Variants in MCF2 observed in about 807,000 individuals in gnomAD.
MCF2 encodes the protein MCF.2 cell line derived transforming sequence.
A neutral mutation model predicts 82.5 loss-of-function variants in MCF2; 44 were observed. That is an observed-to-expected ratio of 0.53 (90% confidence interval 0.42 to 0.69). The LOEUF is 0.69. Ranked by LOEUF, MCF2 falls within the 30% of genes least tolerant of loss-of-function variation. The pLI is 0.00. For synonymous variants in MCF2, 217 were observed against 224.9 expected (o/e 0.96, Z 0.32); for missense variants, 623 against 663.1 (o/e 0.94, Z 0.66).
chrX:139,617,353 T>A lies in MCF2; in HGVS notation c.999+160A>T, dbSNP rs757281363. On this transcript the variant is annotated intron_variant, in intron 8 of 24. Coordinates refer to ENST00000370576, the Ensembl canonical transcript of MCF2. ...ATCAAACTCAGTCCTTCAGACTTCT[T>A]ACAAATTTAATTCCAAAGCTATACC... 4.5e-5 allele frequency among the ~76,000 whole-genome samples: 5 copies of A among 111,603 alleles called. No homozygotes were observed. In the South Asian group the frequency reaches 1.9e-3, roughly 42 times the overall value.
At chrX:139,642,450 T>G in intron 1 of MCF2, 2 of 1,211,271 alleles carry the variant, frequency 1.7e-6, no homozygotes, top group South Asian at 3.5e-5. Context: ...TTTCCAGGAG[T>G]GCAGACAGAG....
rs754962395 is a variant in MCF2 at position 139,590,468 on chromosome X, TA to T, written c.2278-542del. Among the ~76,000 whole-genome samples, 13 of 104,903 alleles carry T rather than the reference TA, an allele frequency of 1.2e-4. No individual in the cohort carries two copies. In the South Asian group the frequency reaches 2.4e-3, roughly 19 times the overall value. 91.1% of individuals were successfully genotyped at this position (104,903 alleles called of 115,157 possible). On this transcript the variant is annotated intron_variant, in intron 19 of 24. Transcript: ENST00000370576. Reference sequence around the variant, plus strand: ...TTTTCCACCAATCCCTTGGCCTTTCTAAAAAAAAAATAATAATAATAATATG... The same window carrying T: ...TTTTCCACCAATCCCTTGGCCTTTCTAAAAAAAAATAATAATAATAATATG...
rs1197449417 is a variant in MCF2, at chrX:139,588,798, C to T, written c.2371-360G>A. 2.0e-4 allele frequency among the ~76,000 whole-genome samples: 22 copies of T among 108,614 alleles called. 1 individual carries two copies. Among genetic ancestry groups the T allele is most frequent in the Non-Finnish European group, 3.8e-5 (2 of 52,482 alleles). The allele number at this position is 108,614 out of a possible 115,157, so 94.3% of individuals were successfully genotyped here. On this transcript the variant is annotated intron_variant, in intron 20 of 24. Transcript: ENST00000370576. Reference sequence around the variant, plus strand: ...AATAATAATTAGCCAGGTGTGGTGGCATGTGCCTGTAGTCCCAGCTACTTG... The same window carrying T: ...AATAATAATTAGCCAGGTGTGGTGGTATGTGCCTGTAGTCCCAGCTACTTG...
intron 1 of MCF2, chrX:139,692,192 G>A: frequency 1.1e-6 from 1 of 916,571 alleles, no homozygotes; most frequent in Non-Finnish European, 1.5e-6. Flanking sequence ...TCCTCACGCT[G>A]GAGAGCCGGG....
chrX:139,608,945 C>G (rs1931273026), intron 11 of MCF2, among the ~76,000 whole-genome samples: 2 of 111,839 alleles, frequency 1.8e-5, no homozygotes, highest in South Asian at 7.6e-4. Flanking sequence ...ATAGACCATT[C>G]ACTAGGCTGC....
chrX:139,701,364 T>C (rs1421868477), intron 1 of MCF2, among the ~76,000 whole-genome samples: 1 of 112,081 alleles, frequency 8.9e-6, no homozygotes. Flanking sequence ...AATCTGGGTG[T>C]CGCTGTAAGG....
chrX:139,696,833 G>A (rs1271282871), intron 1 of MCF2, among the ~76,000 whole-genome samples: 1 of 112,096 alleles, frequency 8.9e-6, no homozygotes, highest in Non-Finnish European at 1.9e-5. Flanking sequence ...GAAGTCTATT[G>A]ACATGTGAGG....
chrX:139,586,658 A>G (rs1053218758), intron 22 of MCF2, among the ~76,000 whole-genome samples, 171 bp from the exon 27 acceptor site: 4 of 111,785 alleles, frequency 3.6e-5, no homozygotes, highest in African/African-American at 1.3e-4. Flanking sequence ...TATAATATAC[A>G]AAAGCTTAAA....
intron 24 of MCF2, among the ~76,000 whole-genome samples, chrX:139,584,033 G>T (rs769887434): frequency 9.1e-6 from 1 of 110,251 alleles, no homozygotes; most frequent in Non-Finnish European, 1.9e-5. Context: ...ATGTATTATG[G>T]TCATCATAGT....
intron 1 of MCF2, among the ~76,000 whole-genome samples, chrX:139,659,586 C>G (rs1175301829): frequency 1.8e-5 from 2 of 111,782 alleles, no homozygotes; most frequent in African/African-American, 6.5e-5. Flanking sequence ...TCTGGGGTTT[C>G]TATTCATATA....
At chrX:139,582,394 CT>C (rs761258986) in exon 25 of MCF2, 1 of 1,093,712 alleles carries the variant, frequency 9.1e-7, no homozygotes, top group Non-Finnish European at 1.3e-6. Context: ...AGCTCAATGT[CT>C]TTTGCGCAGT....
intron 1 of MCF2, among the ~76,000 whole-genome samples, chrX:139,641,385 T>C (rs2148512668): frequency 9.1e-6 from 1 of 110,487 alleles, no homozygotes; most frequent in South Asian, 3.8e-4. Context: ...GCCAAAGATA[T>C]AATTTTGTCA....
At chrX:139,658,135 A>T (rs1456505580) in intron 1 of MCF2, among the ~76,000 whole-genome samples, 1 of 111,669 alleles carries the variant, frequency 9.0e-6, no homozygotes, top group Admixed American at 9.5e-5. Flanking sequence ...GGGAGGCAGG[A>T]GGAACTTAGT....
At chrX:139,680,310 AT>A (rs1294435320) in intron 1 of MCF2, among the ~76,000 whole-genome samples, 2 of 111,698 alleles carry the variant, frequency 1.8e-5, no homozygotes, top group Non-Finnish European at 3.8e-5. Flanking sequence ...TTTTTAAAAA[AT>A]TTTTTGTAGT....
intron 6 of MCF2, among the ~76,000 whole-genome samples, chrX:139,622,191 C>T (rs1173366977): frequency 8.9e-6 from 1 of 111,950 alleles, no homozygotes; most frequent in East Asian, 2.8e-4. Flanking sequence ...TACCATCTCA[C>T]ACAAGTTAGA....
chrX:139,692,120 G>A (rs563122505), intron 1 of MCF2: 2 of 1,158,578 alleles, frequency 1.7e-6, no homozygotes, highest in South Asian at 3.8e-5. Flanking sequence ...CGGCAGCTTG[G>A]GGCATGTGCC....
chrX:139,607,737 G>A, exon 12 of MCF2: 1 of 1,205,836 alleles, frequency 8.3e-7, no homozygotes, highest in East Asian at 3.0e-5. Context: ...CTGGAGGATG[G>A]ACCAGAACTT....
At chrX:139,675,902 T>C (rs1156831987) in intron 1 of MCF2, among the ~76,000 whole-genome samples, 1 of 112,796 alleles carries the variant, frequency 8.9e-6, no homozygotes, top group Non-Finnish European at 1.9e-5. Context: ...TCTGCTGCCT[T>C]TTATTCAGCT....
At chrX:139,609,370 C>A in intron 11 of MCF2, among the ~76,000 whole-genome samples, 1 of 111,690 alleles carries the variant, frequency 9.0e-6, no homozygotes, top group Admixed American at 9.5e-5. Flanking sequence ...CATAGCAAGA[C>A]CCTGTCTATC....
Sources: gnomAD v4.1 joint callset for allele counts (sites outside exome capture counted in the v4.1 genomes callset) on GRCh38, gnomAD v4.1.1 for gene constraint, MANE v1.5 for transcripts, NCBI Gene and HGNC (gene_info 2026-07-23, HGNC 2026-07-21) for gene names.